The following MYOCD variants were observed in gnomAD, a reference collection of about 807,000 sequenced individuals.
The protein encoded by MYOCD is myocardin.
In MYOCD, 32 loss-of-function variants were observed where a neutral mutation model predicts 96.1. The ratio of observed to expected loss-of-function variants is 0.33; its 90% CI spans 0.25 to 0.45. The LOEUF is 0.45. Among genes scored for constraint, MYOCD ranks in the 20% least tolerant of loss-of-function variants. The probability of loss-of-function intolerance (pLI) is 1.00; values close to 1 mark genes in which losing one functional copy is unlikely to be tolerated. For missense variants in MYOCD, 1,133 were observed against 1,200.6 expected (o/e 0.94, Z 0.83); for synonymous variants, 469 against 469.0 (o/e 1.00, Z 0.00).
rs1021430357 is a variant in MYOCD at position 12,744,243 on chromosome 17, G to T, written c.778G>T (p.Val260Leu). ...AAAGCCCAAGGACCCCAAGCCAAAG[G>T]TGAAGAAGCTTAAATATCACCAGTA... ...HKKPKDPKPKVKKLKYHQYIP... is the reference protein window; with the variant it reads ...HKKPKDPKPKLKKLKYHQYIP... The change falls in exon 8 of 14, where the codon GTG becomes TTG. Residue 260 changes from valine to leucine, a missense_variant. Transcript: ENST00000425538. 6.2e-6 allele frequency: 10 copies of T among 1,614,192 alleles called. No individual in the cohort carries two copies. Among genetic ancestry groups the T allele is most frequent in the Non-Finnish European group, 8.5e-6 (10 of 1,180,034 alleles).
chr17:12,725,113 T>C (rs1567587866), intron 5 of MYOCD, among the ~76,000 whole-genome samples: 1 of 152,032 alleles, frequency 6.6e-6, no homozygotes, highest in Admixed American at 6.6e-5. Flanking sequence ...GGAAACCTAT[T>C]AATTGCGCAC....
At chr17:12,747,073 T>C (rs1402099738) in intron 9 of MYOCD, among the ~76,000 whole-genome samples, 2 of 152,052 alleles carry the variant, frequency 1.3e-5, no homozygotes, top group Non-Finnish European at 1.5e-5. Context: ...CTGTCATTCA[T>C]TCTGTGTAGA....
chr17:12,679,750 C>T (rs1206117724), intron 1 of MYOCD, among the ~76,000 whole-genome samples: 3 of 152,160 alleles, frequency 2.0e-5, no homozygotes, highest in East Asian at 1.9e-4. Context: ...CTTTAAATAT[C>T]GTGTTTTCAG....
intron 7 of MYOCD, among the ~76,000 whole-genome samples, chr17:12,743,090 A>T (rs1447788223): frequency 6.6e-6 from 1 of 152,182 alleles, no homozygotes; most frequent in Non-Finnish European, 1.5e-5. Flanking sequence ...GAGATGTATT[A>T]AAGTTAAGTA....
intron 1 of MYOCD, among the ~76,000 whole-genome samples, chr17:12,682,678 C>G (rs1480435998): frequency 6.6e-6 from 1 of 152,208 alleles, no homozygotes; most frequent in East Asian, 1.9e-4. Context: ...ATCCAAGCTG[C>G]TGTTCAACAC....
At chr17:12,731,327 C>T (rs898255334) in intron 5 of MYOCD, among the ~76,000 whole-genome samples, 4 of 152,182 alleles carry the variant, frequency 2.6e-5, no homozygotes, top group East Asian at 1.9e-4. Flanking sequence ...CACCCACACT[C>T]CTCCTACTCT....
rs147343408 is a variant in MYOCD at position 12,671,673 on chromosome 17, C to CA, written c.55+5431dup. On this transcript the variant is annotated intron_variant, in intron 1 of 13. Coordinates refer to ENST00000425538, the MANE Select transcript of MYOCD (RefSeq NM_001146312.3). ...AGTGGCATTTGTCTTTTATCTGCTA[C>CA]AGCATGTGACAGAAACAGTTAGCAA... Among the ~76,000 whole-genome samples, 771 of 152,274 alleles carry CA rather than the reference C, an allele frequency of 5.1e-3. 3 individuals carry two copies. Among genetic ancestry groups the CA allele is most frequent in the African/African-American group, 0.018 (731 of 41,538 alleles).
At chr17:12,712,790 C>CT (rs58675286) in intron 2 of MYOCD, among the ~76,000 whole-genome samples, 17,785 of 152,196 alleles carry the variant, frequency 0.12, 1,163 homozygotes, top group African/African-American at 0.18. Context: ...ATCACATGGA[C>CT]TTTTTTAAAA....
At chr17:12,670,894 G>T (rs1038742428) in intron 1 of MYOCD, among the ~76,000 whole-genome samples, 3 of 152,108 alleles carry the variant, frequency 2.0e-5, no homozygotes, top group African/African-American at 7.2e-5. Context: ...AACATTTGGG[G>T]TCTGGCTCAA....
chr17:12,706,516 G>A (rs948285188), intron 2 of MYOCD, among the ~76,000 whole-genome samples: 6 of 152,204 alleles, frequency 3.9e-5, no homozygotes, highest in African/African-American at 1.4e-4. Context: ...AAATGGACCT[G>A]CAACCTTTCC....
intron 1 of MYOCD, among the ~76,000 whole-genome samples, chr17:12,696,884 G>C (rs1386342653): frequency 4.6e-5 from 7 of 152,110 alleles, no homozygotes; most frequent in Non-Finnish European, 4.4e-5. Flanking sequence ...CTTGTGTTTT[G>C]GTGAATTCGA....
intron 1 of MYOCD, among the ~76,000 whole-genome samples, chr17:12,696,395 T>C (rs940828359): frequency 6.6e-6 from 1 of 152,194 alleles, no homozygotes; most frequent in Non-Finnish European, 1.5e-5. Flanking sequence ...TACAAGTATC[T>C]CTTCATGTCC....
At chr17:12,712,489 T>A (rs2031511080) in intron 2 of MYOCD, among the ~76,000 whole-genome samples, 1 of 152,188 alleles carries the variant, frequency 6.6e-6, no homozygotes, top group African/African-American at 2.4e-5. Context: ...ACGACCTGTC[T>A]TCTCCTTTTT....
intron 9 of MYOCD, among the ~76,000 whole-genome samples, chr17:12,750,958 TTTA>T (rs1470807872): frequency 3.3e-5 from 5 of 152,334 alleles, no homozygotes; most frequent in Non-Finnish European, 5.9e-5. Context: ...TTTTTAACAC[TTTA>T]TTATTTGTGT....
chr17:12,694,857 T>C (rs907966260), intron 1 of MYOCD, among the ~76,000 whole-genome samples: 6 of 119,854 alleles, frequency 5.0e-5, no homozygotes, highest in Non-Finnish European at 8.3e-5. Flanking sequence ...TAATGGCCAA[T>C]GGTTCAATGA....
chr17:12,684,502 G>A (rs1336696414), intron 1 of MYOCD, among the ~76,000 whole-genome samples: 1 of 152,148 alleles, frequency 6.6e-6, no homozygotes, highest in African/African-American at 2.4e-5. Flanking sequence ...ATTTTGTGGA[G>A]CCCTGTGCAA....
In MYOCD at chr17:12,752,457, T is replaced by C; in HGVS notation, c.1169T>C (p.Val390Ala). The C allele has an allele frequency of 6.2e-7, 1 of 1,613,998 alleles. No individual in the cohort carries two copies. Among genetic ancestry groups the C allele is most frequent in the Non-Finnish European group, 8.5e-7 (1 of 1,179,952 alleles). The change falls in exon 10 of 14, where the codon GTG becomes GCG. Residue 390 changes from valine (V) to alanine (A), a missense_variant. By Grantham distance (64) the Val-to-Ala change is moderately conservative. Transcript: ENST00000425538. ...RQQLRIRGLP[V>A]SGTKTALMDR... ...CAGCTTCGAATTCGGGGCTTGCCTG[T>C]GTCAGGCACCAAAACGGCTCTCATG...
chr17:12,759,358 T>C (rs2033105047), intron 12 of MYOCD, among the ~76,000 whole-genome samples: 1 of 152,232 alleles, frequency 6.6e-6, no homozygotes, highest in Non-Finnish European at 1.5e-5. Flanking sequence ...CCAAGGTTCT[T>C]TTGCTACTTT....
chr17:12,767,783 G>A lies in MYOCD; in HGVS notation c.*4139G>A, dbSNP rs2033379702. On this transcript the variant is annotated 3_prime_UTR_variant, in exon 14 of 14. Transcript: ENST00000425538. ...CCCATCATTTAAAACATCCACGAGA[G>A]TTTGAAGATTTGTGTTGATTGCCAG... 6.6e-6 allele frequency: 1 copy of A among 152,184 alleles called. No homozygotes were observed. Among genetic ancestry groups the A allele is most frequent in the African/African-American group, 2.4e-5 (1 of 41,428 alleles). The allele number at this position is 152,184 out of a possible 1,614,324, so 9.4% of individuals were successfully genotyped here.
Sources: allele counts gnomAD v4.1 joint callset (sites outside exome capture counted in the v4.1 genomes callset), GRCh38; gene constraint gnomAD v4.1.1; transcripts MANE v1.5; gene names NCBI Gene and HGNC (gene_info 2026-07-23, HGNC 2026-07-21).